SH3GL2: variants seen among roughly 807,000 people sequenced by gnomAD.
SH3GL2 encodes the protein SH3 domain containing GRB2 like 2, endophilin A1, also known as endophilin-A1.
A neutral mutation model predicts 46.0 loss-of-function variants in SH3GL2; 24 were observed. That is an observed-to-expected ratio of 0.52 (90% CI 0.38 to 0.73). SH3GL2 has a LOEUF of 0.73. Among genes scored for constraint, SH3GL2 ranks in the 30% least tolerant of loss-of-function variants. SH3GL2 has a pLI of 0.00. For missense variants in SH3GL2, 413 were observed against 424.2 expected (o/e 0.97, Z 0.23); for synonymous variants, 196 against 147.1 (o/e 1.33, Z -2.40).
At chr9:17,683,318 T>G (rs1206611015) in intron 1 of SH3GL2, among the ~76,000 whole-genome samples, 1 of 152,042 alleles carries the variant, frequency 6.6e-6, no homozygotes, top group Admixed American at 6.6e-5. Context: ...GGCATTCTTA[T>G]GGAGGCAAGC....
At chr9:17,655,262 T>G (rs1361295797) in intron 1 of SH3GL2, among the ~76,000 whole-genome samples, 1 of 152,170 alleles carries the variant, frequency 6.6e-6, no homozygotes, top group East Asian at 1.9e-4. Flanking sequence ...CATGTAGTAC[T>G]TCCTTTCTCA....
chr9:17,585,754 G>C (rs567165247), intron 1 of SH3GL2, among the ~76,000 whole-genome samples: 4 of 152,326 alleles, frequency 2.6e-5, no homozygotes, highest in Admixed American at 6.5e-5. Flanking sequence ...AAGACAGAGA[G>C]GTGAACTTGT....
intron 1 of SH3GL2, among the ~76,000 whole-genome samples, chr9:17,652,566 C>T (rs557830361): frequency 2.9e-4 from 44 of 152,132 alleles, no homozygotes; most frequent in African/African-American, 1.0e-3. Context: ...TTTACATTTT[C>T]TCTGCCATTT....
At chr9:17,596,342 A>AT (rs994400973) in intron 1 of SH3GL2, among the ~76,000 whole-genome samples, 139 of 148,602 alleles carry the variant, frequency 9.4e-4, no homozygotes, top group African/African-American at 1.6e-3. Flanking sequence ...TTAAATGAAG[A>AT]TTTTTTTTTT....
At chr9:17,766,485 A>G (rs1286748135) in intron 3 of SH3GL2, among the ~76,000 whole-genome samples, 1 of 152,230 alleles carries the variant, frequency 6.6e-6, no homozygotes, top group East Asian at 1.9e-4. Context: ...CTGATGCCTT[A>G]CGGGGGAGCA....
chr9:17,587,914 A>G (rs1818411638), intron 1 of SH3GL2, among the ~76,000 whole-genome samples: 1 of 151,398 alleles, frequency 6.6e-6, no homozygotes, highest in Non-Finnish European at 1.5e-5. Flanking sequence ...AAAAAAAACC[A>G]GAAAAACTTC....
chr9:17,588,046 A>G (rs1465570472), intron 1 of SH3GL2, among the ~76,000 whole-genome samples: 1 of 152,178 alleles, frequency 6.6e-6, no homozygotes, highest in African/African-American at 2.4e-5. Flanking sequence ...GAACTTAACA[A>G]GAGGGCCTGA....
At chr9:17,638,908 AG>A (rs1050602942) in intron 1 of SH3GL2, among the ~76,000 whole-genome samples, 2 of 152,194 alleles carry the variant, frequency 1.3e-5, no homozygotes, top group African/African-American at 4.8e-5. Flanking sequence ...TCCGAATTAC[AG>A]GGGTTTTGTG....
At chr9:17,740,347 A>T (rs1162290416) in intron 1 of SH3GL2, among the ~76,000 whole-genome samples, 1 of 152,142 alleles carries the variant, frequency 6.6e-6, no homozygotes, top group Non-Finnish European at 1.5e-5. Context: ...CCTGTCTATT[A>T]TACATGGGGA....
At chr9:17,791,983 T>C (rs987154181) in intron 7 of SH3GL2, among the ~76,000 whole-genome samples, 2 of 152,230 alleles carry the variant, frequency 1.3e-5, no homozygotes, top group African/African-American at 2.4e-5. Flanking sequence ...TATATACCAG[T>C]GGCCCTATGT....
intron 1 of SH3GL2, among the ~76,000 whole-genome samples, chr9:17,717,807 A>G (rs564931385): frequency 0.094 from 10,096 of 107,694 alleles, 535 homozygotes; most frequent in Admixed American, 0.22. Flanking sequence ...TATGTTTGAT[A>G]TTATTTAGTA....
intron 1 of SH3GL2, among the ~76,000 whole-genome samples, chr9:17,694,633 G>T (rs1191979054): frequency 1.3e-5 from 2 of 152,188 alleles, no homozygotes; most frequent in African/African-American, 2.4e-5. Context: ...AAATATTTGA[G>T]AGTGTGAATG....
At chr9:17,720,778 T>C (rs748133548) in intron 1 of SH3GL2, among the ~76,000 whole-genome samples, 1 of 152,152 alleles carries the variant, frequency 6.6e-6, no homozygotes, top group Admixed American at 6.5e-5. Context: ...GAAAGCCTAA[T>C]GGTCTTGGTA....
intron 3 of SH3GL2, among the ~76,000 whole-genome samples, chr9:17,762,614 A>G (rs1823210645): frequency 6.6e-6 from 1 of 152,224 alleles, no homozygotes; most frequent in South Asian, 2.1e-4. Context: ...TTCATAAAAC[A>G]CATTAGAAAT....
intron 1 of SH3GL2, among the ~76,000 whole-genome samples, chr9:17,729,796 C>T (rs1301310684): frequency 6.6e-6 from 1 of 152,036 alleles, no homozygotes; most frequent in Non-Finnish European, 1.5e-5. Context: ...TTTCTGAGGT[C>T]TCTGTTCTGT....
intron 1 of SH3GL2, among the ~76,000 whole-genome samples, chr9:17,672,721 C>G (rs1192765707): frequency 1.3e-5 from 2 of 152,096 alleles, no homozygotes; most frequent in Non-Finnish European, 1.5e-5. Context: ...ATTCATCAGA[C>G]CGTGTAAATA....
In SH3GL2 at chr9:17,734,103, C is replaced by G. The variant is rs188298048; in HGVS notation, c.46-12963C>G. 3.2e-3 allele frequency among the ~76,000 whole-genome samples: 489 copies of G among 152,140 alleles called. 2 individuals carry two copies. Among genetic ancestry groups the G allele is most frequent in the Non-Finnish European group, 4.4e-3 (298 of 67,986 alleles). On this transcript the variant is annotated intron_variant, in intron 1 of 8. Transcript: ENST00000380607. ...TGAAATATAAATCTCAAGTTCATCA[C>G]TCCAGTTCATCACTCCATAACAGGT...
chr9:17,670,147 A>G (rs1389321766), intron 1 of SH3GL2, among the ~76,000 whole-genome samples: 2 of 152,050 alleles, frequency 1.3e-5, no homozygotes, highest in Non-Finnish European at 2.9e-5. Flanking sequence ...TTTCTTTCTT[A>G]CTGTGCATGT....
chr9:17,683,455 A>C (rs1034333354), intron 1 of SH3GL2, among the ~76,000 whole-genome samples: 2 of 151,938 alleles, frequency 1.3e-5, no homozygotes, highest in African/African-American at 4.8e-5. Flanking sequence ...ACAGGTGGAG[A>C]CCTATTTCAG....
Sources: allele counts gnomAD v4.1 joint callset (sites outside exome capture counted in the v4.1 genomes callset), GRCh38; gene constraint gnomAD v4.1.1; transcripts MANE v1.5; gene names NCBI Gene and HGNC (gene_info 2026-07-23, HGNC 2026-07-21).